Variants in MECOM observed in about 807,000 individuals in gnomAD.
MECOM encodes the protein MDS1 and EVI1 complex locus.
A neutral mutation model predicts 116.3 loss-of-function variants in MECOM; 13 were observed. The observed-to-expected ratio is 0.11, with a 90% confidence interval of 0.07 to 0.18. The LOEUF (loss-of-function observed/expected upper bound fraction) is 0.18. MECOM is among the 10% of genes least tolerant of loss of function. The probability of loss-of-function intolerance (pLI) is 1.00; values close to 1 mark genes in which losing one functional copy is unlikely to be tolerated. For missense variants in MECOM, 1,299 were observed against 1,509.0 expected, an observed-to-expected ratio of 0.86 and a Z score of 2.31; for synonymous variants, 528 against 535.2, an observed-to-expected ratio of 0.99 and a Z score of 0.19.
chr3:169,386,312 A>T (rs1475749871), intron 1 of MECOM, among the ~76,000 whole-genome samples: 1 of 152,176 alleles, frequency 6.6e-6, no homozygotes, highest in Non-Finnish European at 1.5e-5. Flanking sequence ...TGAGAAAATG[A>T]TGATAAGAAT....
At position 169,244,744 on chromosome 3, in the gene MECOM, AAC is replaced by A. The variant is rs573874360; in HGVS notation, c.376-100914_376-100913del. ...GCATGGTGTTGTTGGTTTTGACTTT[AAC>A]AAGTTTGGTCGGCTTCAATTATCTG... On this transcript the variant is annotated intron_variant, in intron 2 of 16. Coordinates refer to ENST00000651503, the MANE Select transcript of MECOM (RefSeq NM_004991.4). 1.2e-4 allele frequency among the ~76,000 whole-genome samples: 19 copies of A among 152,326 alleles called. No homozygotes were observed. The East Asian group carries it at 3.7e-3, about 29-fold the overall frequency.
intron 2 of MECOM, among the ~76,000 whole-genome samples, chr3:169,369,543 T>A (rs2149840405): frequency 6.6e-6 from 1 of 151,708 alleles, no homozygotes; most frequent in South Asian, 2.1e-4. Context: ...AAAAATGGGG[T>A]CTCACTATGT....
At chr3:169,316,939 G>T (rs1042122168) in intron 2 of MECOM, among the ~76,000 whole-genome samples, 5 of 152,162 alleles carry the variant, frequency 3.3e-5, no homozygotes, top group Non-Finnish European at 1.5e-5. Flanking sequence ...ATTTACATCT[G>T]TCTATCTTAG....
chr3:169,209,750 T>C (rs1750459521), intron 2 of MECOM, among the ~76,000 whole-genome samples: 1 of 152,122 alleles, frequency 6.6e-6, no homozygotes, highest in African/African-American at 2.4e-5. Context: ...TTTTACACTG[T>C]TGGTGGGAAT....
chr3:169,389,723 C>G, intron 1 of MECOM: 1 of 258,998 alleles, frequency 3.9e-6, no homozygotes, highest in Non-Finnish European at 6.0e-6. Context: ...TTTCAGTATT[C>G]CAGCCATATC....
chr3:169,128,084 G>A, intron 4 of MECOM, 24 bp from the exon 5 acceptor site: 3 of 1,609,916 alleles, frequency 1.9e-6, no homozygotes, highest in Non-Finnish European at 2.6e-6. Flanking sequence ...TCAGGTGTTA[G>A]GATTGGGTGG....
chr3:169,662,373 A>G (rs192242330), intron 1 of MECOM, among the ~76,000 whole-genome samples: 2 of 152,074 alleles, frequency 1.3e-5, no homozygotes, highest in Non-Finnish European at 2.9e-5. Flanking sequence ...GGCGCCCAGC[A>G]AGCCCGAGGT....
intron 1 of MECOM, among the ~76,000 whole-genome samples, chr3:169,558,810 G>A (rs1337261779): frequency 6.6e-6 from 1 of 151,964 alleles, no homozygotes; most frequent in Non-Finnish European, 1.5e-5. Flanking sequence ...TAAGATTCCA[G>A]GAATCATCGG....
chr3:169,637,610 T>C (rs1257128172), intron 1 of MECOM, among the ~76,000 whole-genome samples: 1 of 152,218 alleles, frequency 6.6e-6, no homozygotes, highest in African/African-American at 2.4e-5. Context: ...TAATTCGGAC[T>C]GTTGGAGAAT....
At chr3:169,131,360 G>C in intron 4 of MECOM, 69 bp downstream of exon 4, 1 of 1,283,476 alleles carries the variant, frequency 7.8e-7, no homozygotes, top group Non-Finnish European at 1.1e-6. Flanking sequence ...AGGAACAATG[G>C]ATGCTTTCGA....
chr3:169,169,326 A>C (rs1027334210), intron 2 of MECOM, among the ~76,000 whole-genome samples: 4 of 152,226 alleles, frequency 2.6e-5, no homozygotes, highest in African/African-American at 9.6e-5. Flanking sequence ...AACTATGATA[A>C]GAAAATCAGT....
At chr3:169,121,962 C>T (rs575292739) in intron 6 of MECOM, among the ~76,000 whole-genome samples, 13 of 151,754 alleles carry the variant, frequency 8.6e-5, no homozygotes, top group African/African-American at 3.1e-4. Context: ...TTTAATGACA[C>T]CAGGACATCT....
chr3:169,140,762 T>G (rs939920756), intron 3 of MECOM, among the ~76,000 whole-genome samples: 2 of 151,584 alleles, frequency 1.3e-5, no homozygotes, highest in Admixed American at 6.6e-5. Flanking sequence ...TTTCCTTAAA[T>G]AAAATGCTGG....
At chr3:169,661,017 C>T (rs1776211221) in intron 1 of MECOM, among the ~76,000 whole-genome samples, 1 of 152,124 alleles carries the variant, frequency 6.6e-6, no homozygotes, top group African/African-American at 2.4e-5. Flanking sequence ...AATGGGTCTC[C>T]CACCAGTTGA....
chr3:169,230,488 A>G (rs895831910), intron 2 of MECOM, among the ~76,000 whole-genome samples: 54 of 152,188 alleles, frequency 3.5e-4, no homozygotes, highest in African/African-American at 1.2e-3. Flanking sequence ...CCAGTTCATT[A>G]TGACTTAATT....
chr3:169,496,367 C>T (rs896860639), intron 1 of MECOM, among the ~76,000 whole-genome samples: 1 of 152,188 alleles, frequency 6.6e-6, no homozygotes, highest in Non-Finnish European at 1.5e-5. Context: ...TGTTTTAAAA[C>T]CCTTGTGGTG....
chr3:169,234,045 A>G (rs1553775206), intron 2 of MECOM, among the ~76,000 whole-genome samples: 1 of 152,222 alleles, frequency 6.6e-6, no homozygotes, highest in Non-Finnish European at 1.5e-5. Flanking sequence ...TATAACTTTT[A>G]AAAAGTGAAA....
intron 1 of MECOM, among the ~76,000 whole-genome samples, chr3:169,594,896 A>C (rs1487041568): frequency 1.3e-5 from 2 of 151,610 alleles, no homozygotes; most frequent in East Asian, 3.9e-4. Context: ...AAAAAACAAA[A>C]AAAAAACTGG....
chr3:169,425,103 C>CG (rs538141724), intron 1 of MECOM, among the ~76,000 whole-genome samples: 1 of 149,714 alleles, frequency 6.7e-6, no homozygotes, highest in Non-Finnish European at 1.5e-5. Context: ...GCAGAAACCC[C>CG]CCCCCACTTG....
Sources: allele counts gnomAD v4.1 joint callset (sites outside exome capture counted in the v4.1 genomes callset), GRCh38; gene constraint gnomAD v4.1.1; transcripts MANE v1.5; gene names NCBI Gene and HGNC (gene_info 2026-07-23, HGNC 2026-07-21).